FGD5: variants seen among roughly 807,000 people sequenced by gnomAD.
FGD5 encodes the protein FYVE, RhoGEF and PH domain containing 5.
FGD5 carries 28 observed loss-of-function variants against 133.4 expected under a neutral mutation model. That is an observed-to-expected ratio of 0.21 (90% CI 0.16 to 0.29). FGD5 has a LOEUF of 0.29. Ranked by LOEUF, FGD5 falls within the 10% of genes least tolerant of loss-of-function variation. FGD5 has a pLI of 1.00. For synonymous variants in FGD5, 810 were observed against 776.5 expected, an observed-to-expected ratio of 1.04 and a Z score of -0.72; for missense variants, 1,858 against 1,895.2, an observed-to-expected ratio of 0.98 and a Z score of 0.36.
chr3:14,819,615 G>A lies in FGD5; in HGVS notation c.544G>A (p.Gly182Arg). 1 of 1,551,362 alleles carries A rather than the reference G, an allele frequency of 6.4e-7. No homozygotes were observed. The highest frequency in any genetic ancestry group is 8.7e-7 in the Non-Finnish European group (1 of 1,146,912). Residue 182 changes from glycine to arginine, a missense_variant, in exon 1 of 20, where the codon GGG becomes AGG. Around this residue, in one of 3 missense-constraint regions of FGD5, gnomAD observed 1,824 missense variants for 1,848.9 expected, o/e 0.99. Coordinates refer to ENST00000285046, the MANE Select transcript of FGD5 (RefSeq NM_152536.4). The surrounding 1 kb of genome is among the most constrained non-coding windows in gnomAD (Gnocchi z 4.1). The part of the protein sequence containing the change: ...PHRECSLEDS[G>R]PWAGEGVFQS... The stretch of plus-strand genomic sequence containing the variant: ...CAGGGAGTGCAGCCTGGAGGACAGT[G>A]GGCCTTGGGCTGGAGAGGGGGTCTT...
chr3:14,821,752 CG>C lies in FGD5; in HGVS notation c.2525+158del, dbSNP rs2036508897. The C allele has an allele frequency of 2.8e-6, 3 of 1,064,518 alleles. No individual in the cohort carries two copies. The South Asian group carries it at 6.0e-5, about 21-fold the overall frequency. 65.9% of individuals were successfully genotyped at this position (1,064,518 alleles called of 1,614,324 possible). A position where few individuals can be genotyped will look rare whatever the true frequency, so the allele number is the denominator to read the frequency against. ...TGAGTGGCTTTATATCTCTGAGCCT[CG>C]GTTACTTCATCCGTGAAATGGGACT... On this transcript the variant is annotated intron_variant, in intron 1 of 19. Coordinates refer to ENST00000285046, the MANE Select transcript of FGD5 (RefSeq NM_152536.4).
Position 14,819,352 on chromosome 3 carries a change from C to A in FGD5, c.281C>A (p.Ser94Tyr). ...VGNKALVSPE[S>Y]SAEEEEEREE... The stretch of plus-strand genomic sequence containing the variant: ...AACAAAGCCCTGGTGTCTCCCGAGT[C>A]CTCTGCGGAAGAGGAAGAGGAGCGT... The change falls in exon 1 of 20, where the codon TCC (serine) becomes TAC (tyrosine). Residue 94 changes from serine (S) to tyrosine (Y), a missense_variant. Transcript: ENST00000285046. This position sits in a 1 kb window ranked among gnomAD's most constrained non-coding sequence, Gnocchi z 4.1. The A allele has an allele frequency of 6.5e-7, 1 of 1,547,268 alleles. No homozygotes were observed. The highest frequency in any genetic ancestry group is 8.7e-7 in the Non-Finnish European group (1 of 1,145,118).
rs201449653 is a variant in FGD5 at position 14,819,906 on chromosome 3, T to C, written c.835T>C (p.Cys279Arg). 35 of 1,613,738 alleles carry C rather than the reference T, an allele frequency of 2.2e-5. No homozygotes were observed. The East Asian group carries it at 7.6e-4, about 35-fold the overall frequency. ...TDCPEVLEEG[C>R]EEATGVTGGE... ...CTGCCCTGAAGTTCTTGAGGAGGGA[T>C]GTGAAGAGGCCACGGGTGTCACAGG... The change falls in exon 1 of 20, where the codon TGT (cysteine) becomes CGT (arginine). Residue 279 changes from cysteine (C) to arginine (R), a missense_variant. Physicochemically the swap from Cys to Arg is radical, Grantham distance 180 (BLOSUM62 -3). Transcript: ENST00000285046. This position sits in a 1 kb window ranked among gnomAD's most constrained non-coding sequence, Gnocchi z 4.1.
Position 14,853,362 on chromosome 3 carries a change from C to A in FGD5, c.2526-10766C>A, listed in dbSNP as rs2037204156. On this transcript the variant is annotated intron_variant, in intron 1 of 19. Transcript: ENST00000285046. ...TCCAGCCCTCCCCTCCGCCCACTTA[C>A]AAGCTCTTCCAGCTATTCTGCTAAT... Among the ~76,000 whole-genome samples, 3 of 152,246 alleles carry A rather than the reference C, an allele frequency of 2.0e-5. No homozygotes were observed. In the South Asian group the frequency reaches 6.2e-4, roughly 32 times the overall value.
chr3:14,850,281 C>T (rs1220764510), intron 1 of FGD5, among the ~76,000 whole-genome samples: 2 of 152,236 alleles, frequency 1.3e-5, no homozygotes, highest in East Asian at 3.8e-4. Flanking sequence ...CCCCACCACC[C>T]ATCCTTCAGT....
chr3:14,871,035 A>G (rs1021570800), intron 2 of FGD5, among the ~76,000 whole-genome samples: 1 of 152,096 alleles, frequency 6.6e-6, no homozygotes, highest in African/African-American at 2.4e-5. Flanking sequence ...TTGCCATTGG[A>G]GTTTCCTCCA....
intron 4 of FGD5, among the ~76,000 whole-genome samples, chr3:14,891,020 C>T (rs777011065): frequency 1.3e-4 from 20 of 152,188 alleles, no homozygotes; most frequent in Middle Eastern, 3.2e-3. Flanking sequence ...TTGAACCCAG[C>T]CCAGAACAAA....
intron 8 of FGD5, 25 bp from the exon 9 acceptor site, chr3:14,900,978 A>G (rs1467514065): frequency 6.2e-7 from 1 of 1,613,868 alleles, no homozygotes. Context: ...CAATGGCCCA[A>G]CTCCTGCTCT....
At chr3:14,875,064 G>T (rs2037688828) in intron 2 of FGD5, among the ~76,000 whole-genome samples, 1 of 152,148 alleles carries the variant, frequency 6.6e-6, no homozygotes, top group Non-Finnish European at 1.5e-5. Flanking sequence ...TGAAGGCTGT[G>T]CTGGAAACCC....
chr3:14,894,863 C>T (rs1204603984), intron 4 of FGD5, among the ~76,000 whole-genome samples: 2 of 152,020 alleles, frequency 1.3e-5, no homozygotes, highest in African/African-American at 4.8e-5. Flanking sequence ...TGCATCTTTG[C>T]CAACATCTGT....
intron 1 of FGD5, among the ~76,000 whole-genome samples, chr3:14,851,369 CTGA>C (rs1214020937): frequency 3.3e-5 from 5 of 152,324 alleles, no homozygotes; most frequent in South Asian, 4.1e-4. Context: ...GGTCATTGGG[CTGA>C]TAAGTGGCAG....
intron 18 of FGD5, 30 bp from the exon 19 acceptor site, chr3:14,932,547 A>G (rs1253002054): frequency 6.2e-7 from 1 of 1,602,308 alleles, no homozygotes; most frequent in Non-Finnish European, 8.5e-7. Context: ...TGTGGTGTTT[A>G]ATGTCAATTT....
chr3:14,921,505 T>G (rs1282229128), intron 13 of FGD5: 1 of 197,390 alleles, frequency 5.1e-6, no homozygotes, highest in East Asian at 1.2e-4. Flanking sequence ...TGTTTACCTT[T>G]GCCAGCTCCC....
chr3:14,919,439 A>G (rs1254670609), intron 13 of FGD5, among the ~76,000 whole-genome samples: 1 of 152,188 alleles, frequency 6.6e-6, no homozygotes, highest in Non-Finnish European at 1.5e-5. Flanking sequence ...TAACACAGTG[A>G]AACCCCGTCT....
In FGD5 at chr3:14,917,094, C is replaced by T. The variant is rs534848161; in HGVS notation, c.3406-155C>T. On this transcript the variant is annotated intron_variant, in intron 11 of 19. Transcript: ENST00000285046. This position sits in a 1 kb window ranked among gnomAD's most constrained non-coding sequence, Gnocchi z 4.1. ...CAGGAGTAGAGTGGCAAGGAAGGGG[C>T]TCACATTTTGGCCGCAACGTTTTTG... Among the ~76,000 whole-genome samples, 1 of 152,278 alleles carries T rather than the reference C, an allele frequency of 6.6e-6. No individual in the cohort carries two copies. The highest frequency in any genetic ancestry group is 6.5e-5 in the Admixed American group (1 of 15,294).
chr3:14,878,610 C>T (rs1289345869), intron 2 of FGD5, among the ~76,000 whole-genome samples: 3 of 152,100 alleles, frequency 2.0e-5, no homozygotes, highest in Non-Finnish European at 4.4e-5. Flanking sequence ...GTGCTGGATA[C>T]TATTCTCCTA....
chr3:14,904,242 G>T (rs542694559), intron 9 of FGD5, among the ~76,000 whole-genome samples: 1 of 152,236 alleles, frequency 6.6e-6, no homozygotes, highest in East Asian at 1.9e-4. Context: ...AGGAGCGGGG[G>T]GTTATGCTCC....
At chr3:14,886,270 A>G (rs575961942) in intron 4 of FGD5, among the ~76,000 whole-genome samples, 2 of 152,304 alleles carry the variant, frequency 1.3e-5, no homozygotes, top group East Asian at 3.9e-4. Context: ...TCACTTGTCA[A>G]ACTTCTCCTT....
intron 1 of FGD5, among the ~76,000 whole-genome samples, chr3:14,829,819 C>A (rs1277024818): frequency 2.0e-5 from 3 of 152,180 alleles, no homozygotes; most frequent in Non-Finnish European, 4.4e-5. Context: ...TTCCTCCTCC[C>A]CACCTGTCAG....
Sources: gnomAD v4.1 joint callset for allele counts (sites outside exome capture counted in the v4.1 genomes callset) on GRCh38, gnomAD v4.1.1 for gene constraint, gnomAD v4.1.1 regional missense constraint, Gnocchi (gnomAD v3.1) non-coding constraint, MANE v1.5 for transcripts, NCBI Gene and HGNC (gene_info 2026-07-23, HGNC 2026-07-21) for gene names.